Variants in GLG1 observed in about 807,000 individuals in gnomAD.
GLG1 encodes golgi glycoprotein 1.
In GLG1, 38 loss-of-function variants were observed where a neutral mutation model predicts 160.5. The observed-to-expected ratio is 0.24, with a 90% confidence interval of 0.18 to 0.31. GLG1 has a LOEUF of 0.31. Among genes scored for constraint, GLG1 ranks in the 10% least tolerant of loss-of-function variants. The pLI, the probability that GLG1 is intolerant of heterozygous loss-of-function variation, is 1.00. For synonymous variants in GLG1, 644 were observed against 543.4 expected, an observed-to-expected ratio of 1.19 and a Z score of -2.57; for missense variants, 1,373 against 1,505.2, an observed-to-expected ratio of 0.91 and a Z score of 1.45.
intron 4 of GLG1, among the ~76,000 whole-genome samples, chr16:74,498,469 A>ATATATATATATATATATATATATATAG: frequency 2.8e-5 from 1 of 35,934 alleles, no homozygotes; most frequent in African/African-American, 8.6e-5. Context: ...TATATATATT[A>ATATATATATATATATATATATATATAG]TATTTTATAT....
chr16:74,515,620 T>C (rs1044112495), intron 2 of GLG1, among the ~76,000 whole-genome samples: 1 of 151,656 alleles, frequency 6.6e-6, no homozygotes, highest in Non-Finnish European at 1.5e-5. Context: ...AGTTAATGGG[T>C]GCAGCACACC....
chr16:74,496,324 C>T (rs1184731538), intron 5 of GLG1, 117 bp downstream of exon 5: 2 of 729,030 alleles, frequency 2.7e-6, no homozygotes, highest in Admixed American at 2.5e-5. Flanking sequence ...CGTGACCAGC[C>T]TGGGCAACAT....
rs923784290 is a variant in GLG1 at position 74,474,216 on chromosome 16, T to C, written c.2052+330A>G. On this transcript the variant is annotated intron_variant, in intron 13 of 25. Coordinates refer to ENST00000422840, the MANE Select transcript of GLG1 (RefSeq NM_001145667.2). The stretch of plus-strand genomic sequence containing the variant: ...ATCCGCCTGCCTCGGCCTCTCAAAG[T>C]GCTGGGATTCAAGGCGTGAGCCACC... The C allele has an allele frequency of 2.1e-5, 4 of 190,546 alleles. No individual in the cohort carries two copies. In the South Asian group the frequency reaches 5.7e-4, roughly 27 times the overall value. 11.8% of individuals were successfully genotyped at this position (190,546 alleles called of 1,614,324 possible).
intron 4 of GLG1, among the ~76,000 whole-genome samples, chr16:74,500,574 CCTT>C (rs1257101447): frequency 6.6e-6 from 1 of 151,848 alleles, no homozygotes; most frequent in Non-Finnish European, 1.5e-5. Flanking sequence ...CTATTTCAAT[CCTT>C]CTGCTGTCTT....
At chr16:74,524,846 T>A (rs1682652517) in intron 2 of GLG1, among the ~76,000 whole-genome samples, 1 of 152,170 alleles carries the variant, frequency 6.6e-6, no homozygotes, top group African/African-American at 2.4e-5. Context: ...AAACTCTGTA[T>A]CTATTAGCAG....
chr16:74,496,928 T>C (rs1201819116), intron 4 of GLG1, among the ~76,000 whole-genome samples: 1 of 152,148 alleles, frequency 6.6e-6, no homozygotes, highest in Non-Finnish European at 1.5e-5. Context: ...ATAGTTTAGT[T>C]AGCACTAGAA....
intron 2 of GLG1, among the ~76,000 whole-genome samples, chr16:74,518,300 T>C (rs530938044): frequency 1.2e-4 from 18 of 152,192 alleles, no homozygotes; most frequent in African/African-American, 2.2e-4. Context: ...CTTCGAACTA[T>C]ACTACAAGGC....
chr16:74,530,756 C>T (rs2017506984), intron 2 of GLG1, among the ~76,000 whole-genome samples: 1 of 151,960 alleles, frequency 6.6e-6, no homozygotes, highest in Non-Finnish European at 1.5e-5. Context: ...CCAGCCTCAG[C>T]CTCCCGAGTA....
chr16:74,559,710 C>T (rs1421697046), intron 1 of GLG1, among the ~76,000 whole-genome samples: 3 of 152,038 alleles, frequency 2.0e-5, no homozygotes, highest in South Asian at 2.1e-4. Flanking sequence ...ACCGAGATTA[C>T]GTCTTCGTAT....
chr16:74,533,194 G>C (rs1046069413), intron 1 of GLG1, among the ~76,000 whole-genome samples: 2 of 152,016 alleles, frequency 1.3e-5, no homozygotes, highest in African/African-American at 4.8e-5. Flanking sequence ...GGTGGCAGGC[G>C]CCTGTAGTCC....
chr16:74,489,771 GCA>G (rs140883729), intron 8 of GLG1, among the ~76,000 whole-genome samples: 2 of 151,742 alleles, frequency 1.3e-5, no homozygotes, highest in Admixed American at 6.6e-5. Flanking sequence ...GCATGCGTGC[GCA>G]CACACACACA....
At chr16:74,499,431 C>A (rs894787511) in intron 4 of GLG1, among the ~76,000 whole-genome samples, 3 of 152,012 alleles carry the variant, frequency 2.0e-5, no homozygotes, top group African/African-American at 7.2e-5. Context: ...TTTTACTGTA[C>A]CTTTCCTATG....
chr16:74,597,746 C>A (rs546598134), intron 1 of GLG1, among the ~76,000 whole-genome samples: 5 of 151,096 alleles, frequency 3.3e-5, no homozygotes, highest in Non-Finnish European at 5.9e-5. Flanking sequence ...CCCAGCTACT[C>A]GGGAGGCTGA....
intron 1 of GLG1, among the ~76,000 whole-genome samples, chr16:74,560,187 C>G (rs543674952): frequency 3.0e-4 from 46 of 152,238 alleles, no homozygotes; most frequent in African/African-American, 1.1e-3. Context: ...GCAGACTGTC[C>G]TTCCCAATGT....
At chr16:74,561,309 G>T (rs555088446) in intron 1 of GLG1, among the ~76,000 whole-genome samples, 1 of 152,208 alleles carries the variant, frequency 6.6e-6, no homozygotes, top group Non-Finnish European at 1.5e-5. Context: ...CTTTAACCAT[G>T]ATCATTTTGT....
At position 74,606,687 on chromosome 16, in the gene GLG1, C is replaced by T. The variant is rs143872917; in HGVS notation, c.408G>A (p.Ala136=). The T allele has an allele frequency of 1.9e-5, 30 of 1,599,562 alleles. No homozygotes were observed. The African/African-American group carries it at 3.2e-4, about 17-fold the overall frequency. The change falls in exon 1 of 26, where the codon GCG becomes GCA. Residue 136 remains alanine, a synonymous_variant. Transcript: ENST00000422840. ...CPKHTWSNNL[A]VLECLQDVRE... ...TCACATCCTGCAGGCACTCGAGCAC[C>T]GCCAGGTTGTTGCTCCAGGTGTGCT...
chr16:74,461,033 G>A (rs1427745113), intron 22 of GLG1, among the ~76,000 whole-genome samples: 2 of 152,212 alleles, frequency 1.3e-5, no homozygotes, highest in African/African-American at 4.8e-5. Context: ...TTATGAGTGA[G>A]CTTTTTTGTA....
intron 2 of GLG1, among the ~76,000 whole-genome samples, chr16:74,519,331 T>C (rs886755462): frequency 1.3e-5 from 2 of 151,544 alleles, no homozygotes; most frequent in Non-Finnish European, 2.9e-5. Context: ...ACTGGGGCCT[T>C]TTGGGGGTGG....
chr16:74,522,526 C>T (rs2017199243), intron 2 of GLG1, among the ~76,000 whole-genome samples: 1 of 152,144 alleles, frequency 6.6e-6, no homozygotes, highest in Non-Finnish European at 1.5e-5. Flanking sequence ...TGAGACATGG[C>T]AGATTAAGTA....
Sources: allele counts gnomAD v4.1 joint callset (sites outside exome capture counted in the v4.1 genomes callset), GRCh38; gene constraint gnomAD v4.1.1; transcripts MANE v1.5; gene names NCBI Gene and HGNC (gene_info 2026-07-23, HGNC 2026-07-21).